The following ATXN1 variants were observed in gnomAD, a reference collection of about 807,000 sequenced individuals.
ATXN1 encodes ataxin 1.
A neutral mutation model predicts 56.4 loss-of-function variants in ATXN1; 8 were observed. The observed-to-expected ratio is 0.14, with a 90% CI of 0.08 to 0.26. The LOEUF (loss-of-function observed/expected upper bound fraction) is 0.26, where lower values mean the gene tolerates loss of function less well. Ranked by LOEUF, ATXN1 falls within the 10% of genes least tolerant of loss-of-function variation. The probability of loss-of-function intolerance (pLI) is 1.00; values close to 1 mark genes in which losing one functional copy is unlikely to be tolerated. For synonymous variants in ATXN1, 514 were observed against 494.6 expected (o/e 1.04, Z -0.52); for missense variants, 987 against 1,106.5 (o/e 0.89, Z 1.53).
intron 4 of ATXN1, among the ~76,000 whole-genome samples, chr6:16,531,586 G>A (rs1425271578): frequency 6.7e-6 from 1 of 148,716 alleles, no homozygotes; most frequent in Non-Finnish European, 1.5e-5. Context: ...TCATGCCATT[G>A]CACTCCAGCC....
intron 6 of ATXN1, among the ~76,000 whole-genome samples, chr6:16,467,740 T>C (rs1760135830): frequency 6.6e-6 from 1 of 152,226 alleles, no homozygotes; most frequent in South Asian, 2.1e-4. Context: ...TTCAATCCTA[T>C]TGCATTAATG....
intron 4 of ATXN1, among the ~76,000 whole-genome samples, chr6:16,569,664 C>T (rs902857610): frequency 1.3e-5 from 2 of 152,006 alleles, no homozygotes; most frequent in African/African-American, 2.4e-5. Context: ...GTAAAGATGA[C>T]GTCAGGAAGG....
chr6:16,335,481 A>G (rs1009868791), intron 6 of ATXN1, among the ~76,000 whole-genome samples: 7 of 152,234 alleles, frequency 4.6e-5, no homozygotes, highest in Admixed American at 2.6e-4. Flanking sequence ...GTGAGAAGAG[A>G]AAAAGCAAGA....
intron 2 of ATXN1, chr6:16,739,663 G>A (rs571772795): frequency 2.4e-5 from 9 of 375,094 alleles, no homozygotes; most frequent in African/African-American, 6.2e-5. Flanking sequence ...CTAAGCCTGC[G>A]CCAGCTCAAA....
At chr6:16,587,872 A>C (rs1762654761) in intron 3 of ATXN1, among the ~76,000 whole-genome samples, 1 of 151,870 alleles carries the variant, frequency 6.6e-6, no homozygotes, top group Non-Finnish European at 1.5e-5. Context: ...CAGAGGTTGC[A>C]GTAAGCTGAG....
At chr6:16,401,245 C>T (rs1284708733) in intron 6 of ATXN1, among the ~76,000 whole-genome samples, 1 of 152,120 alleles carries the variant, frequency 6.6e-6, no homozygotes, top group Non-Finnish European at 1.5e-5. Context: ...CACATTTGCC[C>T]GTCTCTTTAC....
At chr6:16,698,179 T>TTG (rs1759206870) in intron 2 of ATXN1, among the ~76,000 whole-genome samples, 1 of 152,220 alleles carries the variant, frequency 6.6e-6, no homozygotes, top group African/African-American at 2.4e-5. Flanking sequence ...CTACACTCAT[T>TTG]ATTCATTTAA....
chr6:16,708,308 T>G (rs1017355349), intron 2 of ATXN1, among the ~76,000 whole-genome samples: 3 of 152,054 alleles, frequency 2.0e-5, no homozygotes, highest in African/African-American at 7.2e-5. Flanking sequence ...ACAGAGATAT[T>G]TAAAGCAACA....
At position 16,709,169 on chromosome 6, in the gene ATXN1, A is replaced by G. The variant is rs187542795; in HGVS notation, c.-615+44064T>C. On this transcript the variant is annotated intron_variant, in intron 2 of 7. Transcript: ENST00000436367. The stretch of plus-strand genomic sequence containing the variant: ...TTTGAAGAGCTTAATAAAATTAATT[A>G]ACATCTAGCAAAACTAATCACAAAA... Among the ~76,000 whole-genome samples, 245 of 152,298 alleles carry G rather than the reference A, an allele frequency of 1.6e-3. 2 individuals carry two copies. The highest frequency in any genetic ancestry group is 1.2e-3 in the Non-Finnish European group (79 of 68,030).
At chr6:16,653,974 C>A (rs1454962540) in intron 3 of ATXN1, among the ~76,000 whole-genome samples, 1 of 152,170 alleles carries the variant, frequency 6.6e-6, no homozygotes, top group Non-Finnish European at 1.5e-5. Context: ...CAAAAGTTAA[C>A]TAAGGTGAGT....
At chr6:16,352,689 T>C (rs1388706600) in intron 6 of ATXN1, among the ~76,000 whole-genome samples, 2 of 152,088 alleles carry the variant, frequency 1.3e-5, no homozygotes, top group African/African-American at 4.8e-5. Flanking sequence ...AGTCCCCGCC[T>C]TATCCATGAG....
chr6:16,348,117 C>T (rs1003441890), intron 6 of ATXN1, among the ~76,000 whole-genome samples: 1 of 152,212 alleles, frequency 6.6e-6, no homozygotes, highest in Non-Finnish European at 1.5e-5. Flanking sequence ...GCACCTAATT[C>T]TGGACACAGT....
intron 4 of ATXN1, among the ~76,000 whole-genome samples, chr6:16,529,711 C>T (rs1761465358): frequency 6.6e-6 from 1 of 150,898 alleles, no homozygotes; most frequent in Admixed American, 6.6e-5. Flanking sequence ...AATTTATCCA[C>T]AGTCTAACAC....
At chr6:16,439,615 A>C (rs1759472620) in intron 6 of ATXN1, among the ~76,000 whole-genome samples, 1 of 152,154 alleles carries the variant, frequency 6.6e-6, no homozygotes. Flanking sequence ...AAACAAATAA[A>C]AAATTGAGCT....
chr6:16,336,262 C>G (rs1232145925), intron 6 of ATXN1, among the ~76,000 whole-genome samples: 1 of 152,210 alleles, frequency 6.6e-6, no homozygotes, highest in South Asian at 2.1e-4. Context: ...ACACTCACCT[C>G]CTGGCTATGG....
chr6:16,603,954 G>C (rs1307662963), intron 3 of ATXN1, among the ~76,000 whole-genome samples: 1 of 152,030 alleles, frequency 6.6e-6, no homozygotes, highest in African/African-American at 2.4e-5. Flanking sequence ...TGAGTTCCTG[G>C]GTCTCTACCA....
chr6:16,538,550 T>C (rs1761649368), intron 4 of ATXN1, among the ~76,000 whole-genome samples: 1 of 152,092 alleles, frequency 6.6e-6, no homozygotes. Flanking sequence ...TCATTTAACA[T>C]TAGGTATATC....
chr6:16,367,162 C>G (rs1761937316), intron 6 of ATXN1, among the ~76,000 whole-genome samples: 1 of 152,074 alleles, frequency 6.6e-6, no homozygotes, highest in Non-Finnish European at 1.5e-5. Context: ...GCATACAAGT[C>G]TCATGGAAAG....
chr6:16,619,570 TA>T (rs1312673073), intron 3 of ATXN1, among the ~76,000 whole-genome samples: 2 of 152,180 alleles, frequency 1.3e-5, no homozygotes, highest in African/African-American at 4.8e-5. Flanking sequence ...TGATCCCAGT[TA>T]AAAAATCTAT....
Sources: gnomAD v4.1 joint callset for allele counts (sites outside exome capture counted in the v4.1 genomes callset) on GRCh38, gnomAD v4.1.1 for gene constraint, MANE v1.5 for transcripts, NCBI Gene and HGNC (gene_info 2026-07-23, HGNC 2026-07-21) for gene names.